TOM1: variants seen among roughly 807,000 people sequenced by gnomAD.
TOM1 encodes the protein target of Myb protein 1.
Under a neutral mutation model 61.3 loss-of-function variants are expected in TOM1, and 38 were observed. That is an observed-to-expected ratio of 0.62 (90% CI 0.48 to 0.81). TOM1 has a LOEUF of 0.81. Among genes scored for constraint, TOM1 ranks in the 40% least tolerant of loss-of-function variants. The pLI is 0.00. For synonymous variants in TOM1, 270 were observed against 268.8 expected, an observed-to-expected ratio of 1.00 and a Z score of -0.04; for missense variants, 591 against 659.6, an observed-to-expected ratio of 0.90 and a Z score of 1.14.
chr22:35,321,550 C>T (rs1927785813), intron 2 of TOM1, among the ~76,000 whole-genome samples: 1 of 152,060 alleles, frequency 6.6e-6, no homozygotes, highest in African/African-American at 2.4e-5. Flanking sequence ...AGGGTCATAC[C>T]ACCACGCCCG....
chr22:35,307,570 A>G (rs1414648837), intron 1 of TOM1, among the ~76,000 whole-genome samples: 1 of 152,208 alleles, frequency 6.6e-6, no homozygotes, highest in Non-Finnish European at 1.5e-5. Context: ...CTCAAGGGAC[A>G]CGGGAAACTT....
At chr22:35,299,812 G>GGCC, upstream of TOM1, 3 of 1,233,278 alleles carry the variant, frequency 2.4e-6, no homozygotes, top group Admixed American at 2.1e-5. Flanking sequence ...GCTTCGCGGT[G>GGCC]CCACCGCCCC....
intron 8 of TOM1, among the ~76,000 whole-genome samples, chr22:35,331,854 C>T (rs1271320914): frequency 1.3e-5 from 2 of 151,830 alleles, no homozygotes; most frequent in South Asian, 2.1e-4. Flanking sequence ...CACCACTGCA[C>T]TCCAGCCTAG....
At chr22:35,301,783 T>C (rs1925818501) in intron 1 of TOM1, among the ~76,000 whole-genome samples, 1 of 140,780 alleles carries the variant, frequency 7.1e-6, no homozygotes, top group Non-Finnish European at 1.6e-5. Flanking sequence ...GGAGAGGAAC[T>C]GCCCTCTCAA....
intron 1 of TOM1, among the ~76,000 whole-genome samples, chr22:35,304,069 G>A (rs1178097038): frequency 6.6e-6 from 1 of 152,178 alleles, no homozygotes. Context: ...GTGACCCTGT[G>A]CGGTTTTGCT....
At chr22:35,320,369 G>T (rs765723000) in intron 2 of TOM1, among the ~76,000 whole-genome samples, 1 of 152,144 alleles carries the variant, frequency 6.6e-6, no homozygotes, top group Non-Finnish European at 1.5e-5. Context: ...GTATAGGGCC[G>T]AGGGTGGAGG....
rs376078810 is a variant in TOM1, at chr22:35,307,572, G to A, written c.52+7592G>A. On this transcript the variant is annotated intron_variant, in intron 1 of 14. Coordinates refer to ENST00000449058, the MANE Select transcript of TOM1 (RefSeq NM_005488.3). ...CCCAGGTCTCCTCCTCAAGGGACAC[G>A]GGAAACTTAGAAGTTGATAGAGCAC... 3.9e-5 allele frequency among the ~76,000 whole-genome samples: 6 copies of A among 152,308 alleles called. No homozygotes were observed. The East Asian group carries it at 1.2e-3, about 29-fold the overall frequency.
intron 12 of TOM1, among the ~76,000 whole-genome samples, chr22:35,341,599 T>C (rs1601714803): frequency 6.6e-6 from 1 of 152,066 alleles, no homozygotes; most frequent in African/African-American, 2.4e-5. Context: ...AGAGGTTGAC[T>C]CCACCACCCA....
chr22:35,327,406 C>G lies in TOM1; in HGVS notation c.765+19C>G. On this transcript the variant is annotated intron_variant, in intron 7 of 14. Coordinates refer to ENST00000449058, the MANE Select transcript of TOM1 (RefSeq NM_005488.3). ...GCTGCAGGTGAGCAGGTGGCACCAC[C>G]CCCTGGGGCTCAGATGACTCCTGCC... 1 of 1,578,522 alleles carries G rather than the reference C, an allele frequency of 6.3e-7. No individual in the cohort carries two copies. The highest frequency in any genetic ancestry group is 8.7e-7 in the Non-Finnish European group (1 of 1,152,594).
intron 11 of TOM1, among the ~76,000 whole-genome samples, chr22:35,336,149 T>C (rs1164123264): frequency 6.6e-6 from 1 of 152,218 alleles, no homozygotes; most frequent in Non-Finnish European, 1.5e-5. Context: ...AATGACATCA[T>C]GCACCTTCTC....
chr22:35,315,893 C>G (rs1217731326), intron 1 of TOM1, among the ~76,000 whole-genome samples: 4 of 152,228 alleles, frequency 2.6e-5, no homozygotes, highest in Non-Finnish European at 5.9e-5. Context: ...ACCGAGTCCA[C>G]CATGGTATCC....
rs776356471 is a variant in TOM1 at position 35,317,962 on chromosome 22, G to A, written c.137+1G>A. The A allele has an allele frequency of 1.2e-6, 2 of 1,613,608 alleles. No homozygotes were observed. The highest frequency in any genetic ancestry group is 1.7e-6 in the Non-Finnish European group (2 of 1,179,638). ...ACATCATCAACGAGACGGAGGAAGG[G>A]TAAGGGCCCCCCAAGGAGAGGTTGG... On this transcript the variant is annotated splice_donor_variant, in intron 2 of 14. Coordinates refer to ENST00000449058, the MANE Select transcript of TOM1 (RefSeq NM_005488.3). LOFTEE classifies it high-confidence loss of function.
chr22:35,332,881 G>A (rs1398755182), intron 8 of TOM1, 100 bp from the exon 9 acceptor site: 7 of 1,174,906 alleles, frequency 6.0e-6, no homozygotes, highest in East Asian at 2.3e-5. Context: ...ATAACCCACC[G>A]TGTTGATGTT....
chr22:35,332,981 G>GTTTGAACGGTTCCGA lies in TOM1; in HGVS notation c.901_915dup (p.Phe301_Arg305dup), dbSNP rs774899107. On this transcript the variant is annotated inframe_insertion and splice_region_variant, in exon 9 of 15. Transcript: ENST00000449058. ...AACTCGTGTCTTTTCTGTCTTGTAG[G>GTTTGAACGGTTCCGA]TTTGAACGGTTCCGAACAGGCCAGA... 3.1e-6 allele frequency: 5 copies of GTTTGAACGGTTCCGA among 1,614,196 alleles called. No homozygotes were observed. Among genetic ancestry groups the GTTTGAACGGTTCCGA allele is most frequent in the Non-Finnish European group, 4.2e-6 (5 of 1,180,028 alleles).
intron 2 of TOM1, among the ~76,000 whole-genome samples, chr22:35,319,488 T>C (rs1369135629): frequency 6.6e-6 from 1 of 152,190 alleles, no homozygotes; most frequent in African/African-American, 2.4e-5. Flanking sequence ...CCGGACATCA[T>C]GGGCCCACAG....
chr22:35,327,491 C>G (rs1928439919), intron 7 of TOM1, 104 bp downstream of exon 7: 2 of 805,368 alleles, frequency 2.5e-6, no homozygotes, highest in Non-Finnish European at 4.1e-6. Context: ...TTACTCCATA[C>G]TCCTTGGTCA....
intron 9 of TOM1, 81 bp from the exon 10 acceptor site, chr22:35,333,323 C>G (rs1008492460): frequency 3.0e-6 from 4 of 1,342,808 alleles, no homozygotes; most frequent in Admixed American, 1.8e-5. Flanking sequence ...CTGGGCAAAG[C>G]CTGCAAGCCA....
intron 1 of TOM1, among the ~76,000 whole-genome samples, chr22:35,301,475 G>C (rs1223050631): frequency 1.3e-5 from 2 of 152,128 alleles, no homozygotes; most frequent in African/African-American, 4.8e-5. Context: ...ACACTTCTCC[G>C]GAGGATGGTT....
At chr22:35,339,451 G>A (rs964456668) in intron 12 of TOM1, among the ~76,000 whole-genome samples, 4 of 152,154 alleles carry the variant, frequency 2.6e-5, no homozygotes, top group Non-Finnish European at 5.9e-5. Flanking sequence ...CTCTTTATCT[G>A]TACATTGGGG....
Sources: gnomAD v4.1 joint callset for allele counts (sites outside exome capture counted in the v4.1 genomes callset) on GRCh38, gnomAD v4.1.1 for gene constraint, MANE v1.5 for transcripts, NCBI Gene and HGNC (gene_info 2026-07-23, HGNC 2026-07-21) for gene names.